Variants in PHTF1 observed in about 807,000 individuals in gnomAD.
PHTF1 encodes putative homeodomain transcription factor 1, also known as protein PHTF1.
A neutral mutation model predicts 102.4 loss-of-function variants in PHTF1; 88 were observed. That is an observed-to-expected ratio of 0.86 (90% confidence interval 0.72 to 1.03). The LOEUF is 1.03. Among genes scored for constraint, PHTF1 ranks in the 50% least tolerant of loss-of-function variants. The pLI, the probability that PHTF1 is intolerant of heterozygous loss-of-function variation, is 0.00. For synonymous variants in PHTF1, 289 were observed against 305.2 expected, an observed-to-expected ratio of 0.95 and a Z score of 0.55; for missense variants, 814 against 909.5, an observed-to-expected ratio of 0.89 and a Z score of 1.35.
intron 6 of PHTF1, among the ~76,000 whole-genome samples, 193 bp from the exon 7 acceptor site, chr1:113,725,086 T>C (rs1466707673): frequency 2.6e-5 from 4 of 152,270 alleles, no homozygotes; most frequent in Non-Finnish European, 5.9e-5. Context: ...CAAAGTCCTA[T>C]GCTACCATTT....
At chr1:113,751,700 GA>G (rs576733394) in intron 3 of PHTF1, among the ~76,000 whole-genome samples, 28 of 152,296 alleles carry the variant, frequency 1.8e-4, no homozygotes, top group African/African-American at 6.7e-4. Context: ...CTCTTGGATA[GA>G]AAATGTTAAA....
intron 10 of PHTF1, among the ~76,000 whole-genome samples, chr1:113,711,174 C>T (rs942836655): frequency 6.6e-6 from 1 of 152,068 alleles, no homozygotes; most frequent in African/African-American, 2.4e-5. Flanking sequence ...CAGACCTACT[C>T]GTGAACAGGA....
Position 113,701,826 on chromosome 1 carries a change from T to TAAAAAAAAAAAAAAAAAAAAAAAAA in PHTF1, c.1891-902_1891-878dup, listed in dbSNP as rs34844793. On this transcript the variant is annotated intron_variant, in intron 15 of 18. Coordinates refer to ENST00000369604, the MANE Select transcript of PHTF1 (RefSeq NM_001323043.2). The stretch of plus-strand genomic sequence containing the variant: ...TGGCAACCTGGAATTCAATTCCTGG[T>TAAAAAAAAAAAAAAAAAAAAAAAAA]AAAAAAAAAAAAAAAAAAAAAAAAA... Among the ~76,000 whole-genome samples the TAAAAAAAAAAAAAAAAAAAAAAAAA allele has an allele frequency of 3.2e-4, 9 of 28,002 alleles. 1 individual carries two copies. Among genetic ancestry groups the TAAAAAAAAAAAAAAAAAAAAAAAAA allele is most frequent in the Non-Finnish European group, 4.6e-4 (7 of 15,204 alleles). The allele number at this position is 28,002 out of a possible 152,430, so 18.4% of individuals were successfully genotyped here.
chr1:113,723,017 T>A (rs1262947500), intron 7 of PHTF1, among the ~76,000 whole-genome samples: 1 of 151,766 alleles, frequency 6.6e-6, no homozygotes, highest in Non-Finnish European at 1.5e-5. Context: ...AAAGCTATCG[T>A]AAGTAAAAAC....
chr1:113,738,525 C>T (rs981570874), intron 4 of PHTF1, among the ~76,000 whole-genome samples: 2 of 152,170 alleles, frequency 1.3e-5, no homozygotes, highest in African/African-American at 2.4e-5. Flanking sequence ...CAAGTCTCTA[C>T]GTTCATCCCT....
In PHTF1 at chr1:113,759,007, C is replaced by T. The variant is rs966674251; in HGVS notation, c.-31+16G>A. ...CCGGCACCCGCCTCCTTCGCTCGCC[C>T]GCGTCCGGCTCTCACCTAGTGCCCG... On this transcript the variant is annotated intron_variant, in intron 1 of 18. Transcript: ENST00000369604. 3.8e-6 allele frequency: 4 copies of T among 1,060,682 alleles called. No homozygotes were observed. In the African/African-American group the frequency reaches 6.7e-5, roughly 18 times the overall value. The allele number at this position is 1,060,682 out of a possible 1,614,324, so 65.7% of individuals were successfully genotyped here.
chr1:113,730,089 C>T (rs1252056552), intron 5 of PHTF1, among the ~76,000 whole-genome samples: 1 of 152,096 alleles, frequency 6.6e-6, no homozygotes, highest in Non-Finnish European at 1.5e-5. Flanking sequence ...TGAGGGAATG[C>T]CTGGGGGACC....
At chr1:113,715,648 CAAAAAAAAAAAAAA>C (rs60517410) in intron 7 of PHTF1, among the ~76,000 whole-genome samples, 3 of 24,978 alleles carry the variant, frequency 1.2e-4, no homozygotes, top group East Asian at 3.6e-3. Flanking sequence ...AACCCTGTCT[CAAAAAAAAAAAAAA>C]AAAAAAAAAA....
chr1:113,700,731 G>A (rs1557901273), intron 16 of PHTF1, 63 bp downstream of exon 16: 3 of 1,465,094 alleles, frequency 2.0e-6, no homozygotes, highest in African/African-American at 2.8e-5. Flanking sequence ...TCCTCTGCAG[G>A]AACCTTACAG....
intron 2 of PHTF1, 54 bp downstream of exon 2, chr1:113,758,605 A>G: frequency 9.7e-7 from 1 of 1,034,382 alleles, no homozygotes; most frequent in Non-Finnish European, 1.4e-6. Flanking sequence ...TATTTGTGGG[A>G]GCTTTTTGCA....
intron 16 of PHTF1, 194 bp from the exon 17 acceptor site, chr1:113,699,993 T>C: frequency 2.3e-6 from 2 of 865,872 alleles, no homozygotes; most frequent in Non-Finnish European, 3.1e-6. Context: ...AAAGAAAAAC[T>C]ATTTAGTGAT....
At chr1:113,737,609 G>A (rs2101593533) in intron 5 of PHTF1, among the ~76,000 whole-genome samples, 1 of 152,204 alleles carries the variant, frequency 6.6e-6, no homozygotes, top group East Asian at 1.9e-4. Flanking sequence ...ACCAGCCTGG[G>A]CAGCATGACA....
At chr1:113,713,684 G>T in intron 7 of PHTF1, 1 of 394,806 alleles carries the variant, frequency 2.5e-6, no homozygotes, top group South Asian at 2.8e-5. Flanking sequence ...ATACTTTTCA[G>T]TGTTGCACAA....
chr1:113,754,586 T>C (rs1365822100), intron 3 of PHTF1, among the ~76,000 whole-genome samples: 1 of 152,192 alleles, frequency 6.6e-6, no homozygotes, highest in Non-Finnish European at 1.5e-5. Flanking sequence ...ACATTTTCTT[T>C]CTCTAGATTC....
intron 6 of PHTF1, chr1:113,725,602 A>G (rs183469589): frequency 6.6e-6 from 1 of 152,350 alleles, no homozygotes; most frequent in East Asian, 1.9e-4. Context: ...AAACTCACAT[A>G]TACCATATAA....
chr1:113,736,315 C>G (rs1216945273), intron 5 of PHTF1, among the ~76,000 whole-genome samples: 1 of 148,588 alleles, frequency 6.7e-6, no homozygotes, highest in African/African-American at 2.5e-5. Context: ...GCACTCCCGC[C>G]TGGGCAACAG....
intron 15 of PHTF1, among the ~76,000 whole-genome samples, chr1:113,703,427 C>T (rs1649661867): frequency 6.6e-6 from 1 of 152,130 alleles, no homozygotes; most frequent in South Asian, 2.1e-4. Context: ...CAGACCCTGT[C>T]AAAAGGGTAC....
Position 113,726,402 on chromosome 1 carries a change from T to G in PHTF1, c.488+16A>C. 6.4e-7 allele frequency: 1 copy of G among 1,564,432 alleles called. No homozygotes were observed. The highest frequency in any genetic ancestry group is 8.8e-7 in the Non-Finnish European group (1 of 1,140,100). ...TCCCAGAAAATATACAACTACAGTG[T>G]AATTTCTCATCTTACCTTCTTCTTC... On this transcript the variant is annotated intron_variant, in intron 6 of 18. Transcript: ENST00000369604.
At chr1:113,757,303 GAAGA>G (rs774750335) in intron 3 of PHTF1, among the ~76,000 whole-genome samples, 31 of 152,264 alleles carry the variant, frequency 2.0e-4, no homozygotes, top group Non-Finnish European at 2.2e-4. Flanking sequence ...GGAAGAGAAG[GAAGA>G]GTCTCTTAAA....
Sources: allele counts gnomAD v4.1 joint callset (sites outside exome capture counted in the v4.1 genomes callset), GRCh38; gene constraint gnomAD v4.1.1; transcripts MANE v1.5; gene names NCBI Gene and HGNC (gene_info 2026-07-23, HGNC 2026-07-21).